ARHGAP32: variants seen among roughly 807,000 people sequenced by gnomAD.
ARHGAP32 encodes the protein rho GTPase-activating protein 32.
In ARHGAP32, 51 loss-of-function variants were observed where a neutral mutation model predicts 186.5. That is an observed-to-expected ratio of 0.27 (90% CI 0.22 to 0.35). The LOEUF (loss-of-function observed/expected upper bound fraction) is 0.35, where lower values mean the gene tolerates loss of function less well. Ranked by LOEUF, ARHGAP32 falls within the 10% of genes least tolerant of loss-of-function variation. The pLI is 1.00. For synonymous variants in ARHGAP32, 950 were observed against 964.3 expected, an observed-to-expected ratio of 0.99 and a Z score of 0.27; for missense variants, 2,186 against 2,623.5, an observed-to-expected ratio of 0.83 and a Z score of 3.64.
At chr11:129,116,517 G>C (rs922667987) in intron 5 of ARHGAP32, among the ~76,000 whole-genome samples, 3 of 151,942 alleles carry the variant, frequency 2.0e-5, no homozygotes, top group African/African-American at 7.2e-5. Context: ...TATTTCTTTT[G>C]AGGAAAACTA....
intron 10 of ARHGAP32, among the ~76,000 whole-genome samples, chr11:129,055,179 G>A (rs1222410713): frequency 6.6e-6 from 1 of 152,228 alleles, no homozygotes; most frequent in African/African-American, 2.4e-5. Flanking sequence ...AAAATGAAGA[G>A]AGCAGAACAG....
intron 1 of ARHGAP32, 74 bp downstream of exon 1, chr11:129,192,009 T>C (rs1944280080): frequency 1.8e-6 from 2 of 1,106,712 alleles, no homozygotes; most frequent in Non-Finnish European, 2.7e-6. Flanking sequence ...AAGACCGAAA[T>C]GCAGAGAAGA....
intron 1 of ARHGAP32, among the ~76,000 whole-genome samples, chr11:129,237,505 G>C (rs1944951910): frequency 1.3e-5 from 2 of 152,162 alleles, no homozygotes; most frequent in Admixed American, 1.3e-4. Context: ...AAGGAATGAA[G>C]AATGCTCAGG....
At chr11:129,253,291 A>G (rs1379232990) in intron 1 of ARHGAP32, among the ~76,000 whole-genome samples, 1 of 152,180 alleles carries the variant, frequency 6.6e-6, no homozygotes, top group Non-Finnish European at 1.5e-5. Flanking sequence ...TGTGTTACCA[A>G]ATATGGTCAT....
intron 1 of ARHGAP32, among the ~76,000 whole-genome samples, chr11:129,189,076 C>T (rs1024449163): frequency 4.6e-5 from 7 of 152,012 alleles, no homozygotes; most frequent in Non-Finnish European, 5.9e-5. Flanking sequence ...ATGATGGTCA[C>T]ATAATCTATA....
chr11:128,971,341 C>T (rs990426553), intron 22 of ARHGAP32, 182 bp from the exon 23 acceptor site: 1 of 564,730 alleles, frequency 1.8e-6, no homozygotes, highest in Non-Finnish European at 3.1e-6. Context: ...CTATTTTGTA[C>T]AACACCCAGT....
intron 1 of ARHGAP32, among the ~76,000 whole-genome samples, chr11:129,245,637 CAG>C (rs967621761): frequency 6.8e-6 from 1 of 146,462 alleles, no homozygotes; most frequent in Non-Finnish European, 1.5e-5. Context: ...AAGATCACAA[CAG>C]AATTATCAAC....
chr11:129,083,211 T>A (rs141449158), intron 6 of ARHGAP32, among the ~76,000 whole-genome samples: 1 of 152,328 alleles, frequency 6.6e-6, no homozygotes, highest in East Asian at 1.9e-4. Flanking sequence ...ATCTACCTTT[T>A]GATCCAACAA....
chr11:129,135,548 A>T (rs188065007), intron 2 of ARHGAP32, among the ~76,000 whole-genome samples: 1 of 152,260 alleles, frequency 6.6e-6, no homozygotes, highest in East Asian at 1.9e-4. Context: ...CTGGCGGATC[A>T]GAAGGTCAGG....
At chr11:128,998,271 T>C (rs1298280162) in intron 12 of ARHGAP32, 48 bp downstream of exon 12, 8 of 1,435,866 alleles carry the variant, frequency 5.6e-6, no homozygotes, top group Middle Eastern at 3.7e-4. Flanking sequence ...CAAACCAATA[T>C]GGAGAGGTCA....
At chr11:129,247,602 T>C (rs1945118598) in intron 1 of ARHGAP32, among the ~76,000 whole-genome samples, 1 of 152,246 alleles carries the variant, frequency 6.6e-6, no homozygotes, top group African/African-American at 2.4e-5. Flanking sequence ...GACTTTCTTT[T>C]ACATCATATG....
intron 5 of ARHGAP32, among the ~76,000 whole-genome samples, chr11:129,099,220 A>G (rs2135292351): frequency 6.6e-6 from 1 of 152,366 alleles, no homozygotes; most frequent in East Asian, 1.9e-4. Flanking sequence ...GTGCCACCAT[A>G]ACAACATTTT....
chr11:129,099,747 T>C (rs1191938976), intron 5 of ARHGAP32, among the ~76,000 whole-genome samples: 1 of 152,096 alleles, frequency 6.6e-6, no homozygotes, highest in African/African-American at 2.4e-5. Flanking sequence ...GATACAATTA[T>C]AAGCAGTGGG....
chr11:129,135,788 G>C (rs1032037070), intron 2 of ARHGAP32, among the ~76,000 whole-genome samples: 21 of 151,754 alleles, frequency 1.4e-4, no homozygotes, highest in Admixed American at 2.6e-4. Flanking sequence ...AACAAAAAAA[G>C]AATGTTGACC....
chr11:129,105,099 C>T (rs1057126127), intron 5 of ARHGAP32, among the ~76,000 whole-genome samples: 3 of 152,070 alleles, frequency 2.0e-5, no homozygotes, highest in African/African-American at 7.2e-5. Flanking sequence ...AGGAGGAAAA[C>T]CATTAAATAT....
intron 5 of ARHGAP32, among the ~76,000 whole-genome samples, chr11:129,107,868 C>CAAAAAA (rs71057924): frequency 6.4e-5 from 6 of 93,392 alleles, no homozygotes; most frequent in Non-Finnish European, 1.0e-4. Flanking sequence ...AACTATGTTT[C>CAAAAAA]AAAAAAAAAA....
At chr11:129,067,349 T>C (rs1037100104) in intron 6 of ARHGAP32, among the ~76,000 whole-genome samples, 5 of 152,116 alleles carry the variant, frequency 3.3e-5, no homozygotes, top group Admixed American at 6.6e-5. Context: ...ATACAGCATC[T>C]AGAAACCTCA....
chr11:129,067,181 A>G (rs1242500297), intron 6 of ARHGAP32, among the ~76,000 whole-genome samples: 4 of 152,106 alleles, frequency 2.6e-5, no homozygotes, highest in African/African-American at 7.2e-5. Context: ...AAATCTACCA[A>G]AAAGAAAAAA....
intron 2 of ARHGAP32, among the ~76,000 whole-genome samples, chr11:129,133,730 C>A (rs1022531384): frequency 6.6e-6 from 1 of 152,090 alleles, no homozygotes; most frequent in East Asian, 1.9e-4. Flanking sequence ...GAATTTGTCA[C>A]CAGTAGATAG....
Sources: allele counts gnomAD v4.1 joint callset (sites outside exome capture counted in the v4.1 genomes callset), GRCh38; gene constraint gnomAD v4.1.1; transcripts MANE v1.5; gene names NCBI Gene and HGNC (gene_info 2026-07-23, HGNC 2026-07-21).